Variants in CSMD1 observed in about 807,000 individuals in gnomAD.
The protein encoded by CSMD1 is CUB and sushi domain-containing protein 1.
Under a neutral mutation model 417.5 loss-of-function variants are expected in CSMD1, and 213 were observed. The ratio of observed to expected loss-of-function variants is 0.51; its 90% CI spans 0.46 to 0.57. The LOEUF (loss-of-function observed/expected upper bound fraction) is 0.57, where lower values mean the gene tolerates loss of function less well. Among genes scored for constraint, CSMD1 ranks in the 20% least tolerant of loss-of-function variants. CSMD1 has a pLI of 0.00. For synonymous variants in CSMD1, 2,862 were observed against 1,736.8 expected (o/e 1.65, Z -16.11); for missense variants, 6,923 against 4,529.7 (o/e 1.53, Z -15.17).
At position 4,159,781 on chromosome 8, in the gene CSMD1, G is replaced by C. The variant is rs920305843; in HGVS notation, c.416-127682C>G. Among the ~76,000 whole-genome samples the C allele has an allele frequency of 1.8e-4, 28 of 152,242 alleles. No homozygotes were observed. In the East Asian group the frequency reaches 3.9e-3, roughly 21 times the overall value. ...TTTTTTATATTTTTAGTAGAGATGG[G>C]GTTTCACCGTGTTAGCCAGGATAGG... is the stretch of plus-strand genomic sequence containing the variant. On this transcript the variant is annotated intron_variant, in intron 3 of 69. Transcript: ENST00000635120.
At chr8:3,829,385 G>C (rs1469960765) in intron 5 of CSMD1, among the ~76,000 whole-genome samples, 1 of 152,154 alleles carries the variant, frequency 6.6e-6, no homozygotes, top group African/African-American at 2.4e-5. Flanking sequence ...CTTCAGAGAA[G>C]TTTCAGGTTT....
At chr8:4,082,596 T>G (rs1344455122) in intron 3 of CSMD1, among the ~76,000 whole-genome samples, 1 of 147,082 alleles carries the variant, frequency 6.8e-6, no homozygotes, top group Non-Finnish European at 1.5e-5. Context: ...AAAAAAACCT[T>G]TCTTTTTTCG....
chr8:4,937,586 G>T (rs1430906797), intron 1 of CSMD1, among the ~76,000 whole-genome samples: 1 of 152,162 alleles, frequency 6.6e-6, no homozygotes, highest in Non-Finnish European at 1.5e-5. Flanking sequence ...AACAAAGATA[G>T]GAAAAGTCCC....
At chr8:3,519,358 C>G (rs1276973426) in intron 10 of CSMD1, among the ~76,000 whole-genome samples, 1 of 152,178 alleles carries the variant, frequency 6.6e-6, no homozygotes, top group African/African-American at 2.4e-5. Context: ...AAAAAGAAGT[C>G]AATCTTGAAA....
At chr8:4,147,692 A>C (rs1276244418) in intron 3 of CSMD1, among the ~76,000 whole-genome samples, 3 of 152,162 alleles carry the variant, frequency 2.0e-5, no homozygotes, top group Non-Finnish European at 4.4e-5. Context: ...AATATCTGAC[A>C]TCACCATGGT....
At chr8:4,569,300 C>A (rs1055160882) in intron 2 of CSMD1, among the ~76,000 whole-genome samples, 4 of 152,050 alleles carry the variant, frequency 2.6e-5, no homozygotes, top group African/African-American at 4.8e-5. Flanking sequence ...GTCTTTAATC[C>A]ATCTTGAGTT....
At chr8:3,876,628 G>T (rs915945087) in intron 5 of CSMD1, among the ~76,000 whole-genome samples, 1 of 152,104 alleles carries the variant, frequency 6.6e-6, no homozygotes, top group African/African-American at 2.4e-5. Context: ...CTTTGTTTTT[G>T]AGACAGAGTC....
At chr8:4,422,351 G>A (rs1797294181) in intron 2 of CSMD1, among the ~76,000 whole-genome samples, 1 of 152,056 alleles carries the variant, frequency 6.6e-6, no homozygotes, top group Non-Finnish European at 1.5e-5. Context: ...TTCATATACT[G>A]AAGCCCCAAC....
chr8:3,090,178 G>A (rs954911500), intron 48 of CSMD1, among the ~76,000 whole-genome samples: 10 of 151,926 alleles, frequency 6.6e-5, no homozygotes, highest in Admixed American at 2.0e-4. Context: ...TTAGCCGGGC[G>A]CGGTGGCGGG....
chr8:3,399,035 G>A (rs960784774), intron 16 of CSMD1, among the ~76,000 whole-genome samples: 11 of 152,132 alleles, frequency 7.2e-5, no homozygotes, highest in African/African-American at 2.7e-4. Flanking sequence ...TACCACAGAA[G>A]ACACCTAAGG....
chr8:3,354,441 C>G (rs1808608114), intron 21 of CSMD1, among the ~76,000 whole-genome samples: 1 of 129,542 alleles, frequency 7.7e-6, no homozygotes, highest in Admixed American at 8.4e-5. Context: ...AAATAGAAAA[C>G]AGCTCAACTA....
At chr8:3,956,818 C>T (rs1051161518) in intron 5 of CSMD1, among the ~76,000 whole-genome samples, 68 of 152,214 alleles carry the variant, frequency 4.5e-4, no homozygotes, top group African/African-American at 1.6e-3. Context: ...CCAGCCGTTA[C>T]GGAAGGAAGA....
chr8:3,009,899 T>G (rs1409037969), intron 52 of CSMD1, among the ~76,000 whole-genome samples: 1 of 152,238 alleles, frequency 6.6e-6, no homozygotes, highest in African/African-American at 2.4e-5. Flanking sequence ...TTAAACCAGT[T>G]TGGTTTGAAG....
intron 11 of CSMD1, among the ~76,000 whole-genome samples, chr8:3,488,383 T>C (rs1563085702): frequency 1.3e-5 from 2 of 152,166 alleles, no homozygotes; most frequent in Non-Finnish European, 2.9e-5. Context: ...TCCGGGATTA[T>C]AGGCGTATAC....
chr8:4,348,491 A>T (rs1196878326), intron 3 of CSMD1, among the ~76,000 whole-genome samples: 2 of 151,802 alleles, frequency 1.3e-5, no homozygotes, highest in Non-Finnish European at 2.9e-5. Flanking sequence ...TTCCACAAAA[A>T]GGTAGCTTAA....
intron 54 of CSMD1, among the ~76,000 whole-genome samples, chr8:2,994,088 G>C (rs148799516): frequency 0.012 from 1,602 of 129,122 alleles, 20 homozygotes; most frequent in Middle Eastern, 0.038. Flanking sequence ...GGAAGTTGCA[G>C]TGAGCTGAGA....
intron 3 of CSMD1, among the ~76,000 whole-genome samples, chr8:4,084,919 A>T (rs575582116): frequency 1.3e-5 from 2 of 148,534 alleles, no homozygotes; most frequent in African/African-American, 5.2e-5. Flanking sequence ...AACAAAAACA[A>T]AACTACAAAA....
chr8:4,500,000 A>C (rs1802174165), intron 2 of CSMD1, among the ~76,000 whole-genome samples: 2 of 152,156 alleles, frequency 1.3e-5, no homozygotes, highest in South Asian at 4.1e-4. Flanking sequence ...GAGGACATCC[A>C]CAAGAGAGAA....
chr8:3,912,141 A>C (rs1808503842), intron 5 of CSMD1, among the ~76,000 whole-genome samples: 2 of 152,212 alleles, frequency 1.3e-5, no homozygotes, highest in Admixed American at 1.3e-4. Flanking sequence ...ATTTTTATTT[A>C]ACCTGATTAA....
Sources: gnomAD v4.1 joint callset for allele counts (sites outside exome capture counted in the v4.1 genomes callset) on GRCh38, gnomAD v4.1.1 for gene constraint, MANE v1.5 for transcripts, NCBI Gene and HGNC (gene_info 2026-07-23, HGNC 2026-07-21) for gene names.